Variants in SPTSSA observed in about 807,000 individuals in gnomAD.
The protein encoded by SPTSSA is small subunit of serine palmitoyltransferase A.
Under a neutral mutation model 9.1 loss-of-function variants are expected in SPTSSA, and 8 were observed. That is an observed-to-expected ratio of 0.88 (90% CI 0.51 to 1.58). SPTSSA has a LOEUF of 1.58. Ranked by LOEUF, SPTSSA falls within the 40% of genes most tolerant of loss-of-function variation. SPTSSA has a pLI of 0.00. For missense variants in SPTSSA, 100 were observed against 93.8 expected (o/e 1.07, Z -0.27); for synonymous variants, 42 against 37.7 (o/e 1.11, Z -0.41).
chr14:34,450,338 T>C (rs1006107290), intron 1 of SPTSSA, among the ~76,000 whole-genome samples: 1 of 152,204 alleles, frequency 6.6e-6, no homozygotes, highest in Non-Finnish European at 1.5e-5. Flanking sequence ...ATTAACATTT[T>C]AGGATCCCAC....
chr14:34,456,570 T>C (rs979056696), intron 1 of SPTSSA, among the ~76,000 whole-genome samples: 1 of 151,906 alleles, frequency 6.6e-6, no homozygotes, highest in Non-Finnish European at 1.5e-5. Context: ...AGCCCAGTGA[T>C]TATAGACTAA....
At chr14:34,447,225 TAAAAAAAA>T (rs79063928) in intron 1 of SPTSSA, among the ~76,000 whole-genome samples, 1 of 85,310 alleles carries the variant, frequency 1.2e-5, no homozygotes, top group African/African-American at 4.3e-5. Flanking sequence ...CTCCATCTCT[TAAAAAAAA>T]AAAAAAAAAA....
At chr14:34,441,610 G>A (rs560996185) in intron 1 of SPTSSA, among the ~76,000 whole-genome samples, 3 of 152,172 alleles carry the variant, frequency 2.0e-5, no homozygotes, top group East Asian at 3.9e-4. Context: ...TAAAGTTTGG[G>A]ATTTTTTTTT....
chr14:34,451,799 T>C (rs542581121), intron 1 of SPTSSA, among the ~76,000 whole-genome samples: 5 of 149,732 alleles, frequency 3.3e-5, no homozygotes, highest in Admixed American at 6.7e-5. Flanking sequence ...ATCTAAGAAA[T>C]CATCTTAATG....
intron 1 of SPTSSA, among the ~76,000 whole-genome samples, chr14:34,456,678 A>AC (rs1399066417): frequency 6.6e-6 from 1 of 152,050 alleles, no homozygotes; most frequent in Non-Finnish European, 1.5e-5. Flanking sequence ...CAGGCAGATC[A>AC]CCTGAGGACA....
chr14:34,437,313 C>A (rs1165521001), intron 1 of SPTSSA, among the ~76,000 whole-genome samples: 1 of 152,172 alleles, frequency 6.6e-6, no homozygotes, highest in Admixed American at 6.6e-5. Flanking sequence ...TTTTCTAAGG[C>A]CCTCTTTTAA....
chr14:34,440,679 C>T (rs1056289588), intron 1 of SPTSSA, among the ~76,000 whole-genome samples: 1 of 152,036 alleles, frequency 6.6e-6, no homozygotes, highest in Non-Finnish European at 1.5e-5. Context: ...GTCGGGAGAT[C>T]GAGACCAGCC....
At chr14:34,444,751 C>CA (rs34773522) in intron 1 of SPTSSA, among the ~76,000 whole-genome samples, 34,871 of 135,256 alleles carry the variant, frequency 0.26, 5,942 homozygotes, top group African/African-American at 0.51. Context: ...GACTCTGCCT[C>CA]AAAAAAAAAA....
intron 1 of SPTSSA, among the ~76,000 whole-genome samples, chr14:34,452,647 G>A (rs1268664036): frequency 6.6e-6 from 1 of 152,146 alleles, no homozygotes; most frequent in Non-Finnish European, 1.5e-5. Flanking sequence ...GAAATGGTTT[G>A]TAGCTCTAAT....
At chr14:34,441,391 C>G (rs1883313742) in intron 1 of SPTSSA, among the ~76,000 whole-genome samples, 1 of 152,220 alleles carries the variant, frequency 6.6e-6, no homozygotes, top group Non-Finnish European at 1.5e-5. Context: ...TATTTAAACT[C>G]TCAAATATTC....
intron 1 of SPTSSA, among the ~76,000 whole-genome samples, chr14:34,447,565 A>T (rs1489127133): frequency 6.6e-6 from 1 of 152,174 alleles, no homozygotes; most frequent in Non-Finnish European, 1.5e-5. Flanking sequence ...ATGGTAACTG[A>T]GAGTGGTGCT....
At chr14:34,439,490 A>G (rs1359597956) in intron 1 of SPTSSA, among the ~76,000 whole-genome samples, 1 of 152,090 alleles carries the variant, frequency 6.6e-6, no homozygotes, top group Non-Finnish European at 1.5e-5. Context: ...AAAAAAATAA[A>G]ATTAACTTAA....
chr14:34,457,234 T>A (rs928437333), intron 1 of SPTSSA, among the ~76,000 whole-genome samples: 9 of 152,036 alleles, frequency 5.9e-5, no homozygotes, highest in African/African-American at 2.2e-4. Flanking sequence ...CACCTCAGCC[T>A]CCCAAAGTTG....
chr14:34,461,994 C>T (rs1878627969), intron 1 of SPTSSA, 102 bp downstream of exon 1: 12 of 759,466 alleles, frequency 1.6e-5, no homozygotes, highest in Non-Finnish European at 1.8e-5. Context: ...ACCGGCGGGG[C>T]CGCCGCTCCA....
chr14:34,453,952 G>C (rs941127345), intron 1 of SPTSSA, among the ~76,000 whole-genome samples: 2 of 151,520 alleles, frequency 1.3e-5, no homozygotes, highest in African/African-American at 4.8e-5. Context: ...AGCTGAGGCA[G>C]GAGGACTGCT....
At chr14:34,438,605 C>T (rs1883275216) in intron 1 of SPTSSA, among the ~76,000 whole-genome samples, 1 of 152,178 alleles carries the variant, frequency 6.6e-6, no homozygotes, top group African/African-American at 2.4e-5. Flanking sequence ...AAAACTACCT[C>T]TTCCTACGAG....
chr14:34,462,149 T>C lies in SPTSSA; in HGVS notation c.59A>G (p.Tyr20Cys). 2 of 1,531,342 alleles carry C rather than the reference T, an allele frequency of 1.3e-6. No individual in the cohort carries two copies. Among genetic ancestry groups the C allele is most frequent in the Non-Finnish European group, 1.8e-6 (2 of 1,135,146 alleles). The allele number at this position is 1,531,342 out of a possible 1,614,324, so 94.9% of individuals were successfully genotyped here. A position where few individuals can be genotyped will look rare whatever the true frequency, so the allele number is the denominator to read the frequency against. Residue 20 changes from tyrosine (Y) to cysteine (C), a missense_variant, in exon 1 of 2, where the codon TAC (tyrosine) becomes TGC (cysteine). Tyr to Cys is a radical substitution (Grantham distance 194). Coordinates refer to ENST00000298130, the MANE Select transcript of SPTSSA (RefSeq NM_138288.4). The part of the protein sequence containing the change: ...WKQMSWFYYQ[Y>C]LLVTALYMLE... ...CATGTAGAGCGCCGTGACCAGCAGG[T>C]ACTGGTAGTAGAACCAGGACATCTG... is the stretch of plus-strand genomic sequence containing the variant.
chr14:34,449,930 C>T (rs1883491169), intron 1 of SPTSSA, among the ~76,000 whole-genome samples: 2 of 152,140 alleles, frequency 1.3e-5, no homozygotes, highest in Admixed American at 6.5e-5. Context: ...TGTAACAAGC[C>T]TCTCAAAATT....
At chr14:34,453,825 A>G (rs966225357) in intron 1 of SPTSSA, among the ~76,000 whole-genome samples, 2 of 152,120 alleles carry the variant, frequency 1.3e-5, no homozygotes, top group African/African-American at 2.4e-5. Flanking sequence ...TCTATCAAGT[A>G]CATCTTCTAG....
Sources: gnomAD v4.1 joint callset for allele counts (sites outside exome capture counted in the v4.1 genomes callset) on GRCh38, gnomAD v4.1.1 for gene constraint, MANE v1.5 for transcripts, NCBI Gene and HGNC (gene_info 2026-07-23, HGNC 2026-07-21) for gene names.